Variants in EXOC6B observed in about 807,000 individuals in gnomAD.
EXOC6B encodes exocyst complex component 6B.
Under a neutral mutation model 113.5 loss-of-function variants are expected in EXOC6B, and 54 were observed. That is an observed-to-expected ratio of 0.48 (90% CI 0.38 to 0.60). EXOC6B has a LOEUF of 0.60. Among genes scored for constraint, EXOC6B ranks in the 20% least tolerant of loss-of-function variants. The pLI, the probability that EXOC6B is intolerant of heterozygous loss-of-function variation, is 0.00. For synonymous variants in EXOC6B, 357 were observed against 339.0 expected (o/e 1.05, Z -0.58); for missense variants, 797 against 977.5 (o/e 0.82, Z 2.46).
intron 17 of EXOC6B, among the ~76,000 whole-genome samples, chr2:72,474,082 A>C (rs553291684): frequency 1.3e-5 from 2 of 151,938 alleles, no homozygotes; most frequent in Non-Finnish European, 2.9e-5. Context: ...CTCTTTCAAA[A>C]TATCATCCCA....
intron 6 of EXOC6B, among the ~76,000 whole-genome samples, chr2:72,604,854 T>C (rs1371655393): frequency 6.6e-6 from 1 of 152,220 alleles, no homozygotes; most frequent in Admixed American, 6.5e-5. Context: ...TCCCCATTAC[T>C]GACAATTAAA....
chr2:72,429,335 A>G (rs1695385290), intron 18 of EXOC6B, among the ~76,000 whole-genome samples: 1 of 152,362 alleles, frequency 6.6e-6, no homozygotes, highest in East Asian at 1.9e-4. Flanking sequence ...TTTAAGTTGA[A>G]GATTATTTCA....
chr2:72,253,038 A>C (rs1243436446), intron 20 of EXOC6B, among the ~76,000 whole-genome samples: 4 of 152,206 alleles, frequency 2.6e-5, no homozygotes, highest in Non-Finnish European at 5.9e-5. Flanking sequence ...AAAAGTTGGC[A>C]AAGGACATGA....
intron 20 of EXOC6B, among the ~76,000 whole-genome samples, chr2:72,219,993 C>T (rs1205481170): frequency 2.0e-5 from 3 of 152,020 alleles, no homozygotes; most frequent in South Asian, 2.1e-4. Flanking sequence ...GTCACTTAAC[C>T]TTTTTGTGAC....
At chr2:72,627,624 T>C (rs115020493) in intron 6 of EXOC6B, among the ~76,000 whole-genome samples, 3,437 of 152,332 alleles carry the variant, frequency 0.023, 132 homozygotes, top group African/African-American at 0.077. Flanking sequence ...TTTCCATGCA[T>C]AATTTGGCCA....
chr2:72,182,002 G>C (rs1194880365), intron 21 of EXOC6B, among the ~76,000 whole-genome samples: 1 of 152,174 alleles, frequency 6.6e-6, no homozygotes, highest in African/African-American at 2.4e-5. Context: ...GCCCTGCTAA[G>C]AAGGGCCAGG....
intron 1 of EXOC6B, among the ~76,000 whole-genome samples, chr2:72,796,244 C>T (rs931009490): frequency 1.3e-5 from 2 of 151,110 alleles, no homozygotes; most frequent in East Asian, 2.0e-4. Context: ...CCTGAGGTCA[C>T]GAGTTCAAGA....
intron 6 of EXOC6B, among the ~76,000 whole-genome samples, chr2:72,700,822 G>T (rs944663505): frequency 2.0e-5 from 3 of 152,098 alleles, no homozygotes; most frequent in Non-Finnish European, 2.9e-5. Context: ...ATGATGGAGG[G>T]TGCCTGTAAT....
Position 72,179,281 on chromosome 2 carries a change from C to T in EXOC6B, c.*54G>A. ...ATGCAGGGTCAGCTGGGGCTGGACC[C>T]CAGACTGACACAGAGGCTGCAGCAG... On this transcript the variant is annotated 3_prime_UTR_variant, in exon 22 of 22. Coordinates refer to ENST00000272427, the MANE Select transcript of EXOC6B (RefSeq NM_015189.3). 2 of 1,512,842 alleles carry T rather than the reference C, an allele frequency of 1.3e-6. No homozygotes were observed. The highest frequency in any genetic ancestry group is 2.7e-5 in the South Asian group (2 of 75,216). The allele number at this position is 1,512,842 out of a possible 1,614,324, so 93.7% of individuals were successfully genotyped here.
At chr2:72,311,716 C>CCA (rs141530919) in intron 20 of EXOC6B, among the ~76,000 whole-genome samples, 14 of 151,482 alleles carry the variant, frequency 9.2e-5, no homozygotes, top group South Asian at 8.4e-4. Flanking sequence ...TATTATTCTG[C>CCA]CACACACACA....
intron 16 of EXOC6B, among the ~76,000 whole-genome samples, chr2:72,490,232 C>A (rs1699667524): frequency 6.6e-6 from 1 of 152,058 alleles, no homozygotes; most frequent in Non-Finnish European, 1.5e-5. Flanking sequence ...GGGAAAAAAA[C>A]CTAGATTTAT....
chr2:72,664,113 G>C (rs1414165123), intron 6 of EXOC6B, among the ~76,000 whole-genome samples: 1 of 152,114 alleles, frequency 6.6e-6, no homozygotes, highest in Non-Finnish European at 1.5e-5. Flanking sequence ...TTTGAGGCCA[G>C]CCTGGGCAAC....
intron 8 of EXOC6B, among the ~76,000 whole-genome samples, chr2:72,519,205 C>G (rs760800571): frequency 4.6e-5 from 7 of 152,154 alleles, no homozygotes; most frequent in Non-Finnish European, 5.9e-5. Context: ...AAGGTTTAAA[C>G]AAGGCAATGC....
At chr2:72,252,353 T>C (rs1280281194) in intron 20 of EXOC6B, among the ~76,000 whole-genome samples, 1 of 152,174 alleles carries the variant, frequency 6.6e-6, no homozygotes, top group Non-Finnish European at 1.5e-5. Context: ...ACTATTATCA[T>C]AGGAGTAAAA....
chr2:72,573,594 T>C (rs574559310), intron 7 of EXOC6B, among the ~76,000 whole-genome samples: 99 of 152,284 alleles, frequency 6.5e-4, no homozygotes, highest in African/African-American at 2.3e-3. Flanking sequence ...GCCCAATAGA[T>C]AACACTCAAA....
At chr2:72,769,648 C>T (rs1683296977) in intron 1 of EXOC6B, among the ~76,000 whole-genome samples, 1 of 151,986 alleles carries the variant, frequency 6.6e-6, no homozygotes, top group African/African-American at 2.4e-5. Flanking sequence ...TCTGTCTCTA[C>T]TAAAAATACA....
intron 19 of EXOC6B, among the ~76,000 whole-genome samples, chr2:72,350,579 AAAAC>A (rs1689595380): frequency 6.6e-6 from 1 of 152,318 alleles, no homozygotes; most frequent in East Asian, 1.9e-4. Context: ...CTCTTTTCCT[AAAAC>A]AAACAAATTT....
At chr2:72,224,885 TAC>T (rs34518794) in intron 20 of EXOC6B, among the ~76,000 whole-genome samples, 1 of 150,322 alleles carries the variant, frequency 6.7e-6, no homozygotes, top group African/African-American at 2.4e-5. Flanking sequence ...TATATATATA[TAC>T]ATCTATGTGT....
chr2:72,232,658 C>A (rs1275540399), intron 20 of EXOC6B, among the ~76,000 whole-genome samples: 1 of 152,124 alleles, frequency 6.6e-6, no homozygotes, highest in East Asian at 1.9e-4. Context: ...AGGAGATGCT[C>A]ATAACATTAA....
Sources: allele counts gnomAD v4.1 joint callset (sites outside exome capture counted in the v4.1 genomes callset), GRCh38; gene constraint gnomAD v4.1.1; transcripts MANE v1.5; gene names NCBI Gene and HGNC (gene_info 2026-07-23, HGNC 2026-07-21).